The following CFAP299 variants were observed in gnomAD, a reference collection of about 807,000 sequenced individuals.
The protein encoded by CFAP299 is cilia- and flagella-associated protein 299.
A neutral mutation model predicts 27.0 loss-of-function variants in CFAP299; 21 were observed. That is an observed-to-expected ratio of 0.78 (90% CI 0.55 to 1.12). CFAP299 has a LOEUF of 1.12. Among genes scored for constraint, CFAP299 ranks in the 50% most tolerant of loss-of-function variants. The pLI is 0.00. For synonymous variants in CFAP299, 104 were observed against 98.1 expected, an observed-to-expected ratio of 1.06 and a Z score of -0.36; for missense variants, 310 against 276.6, an observed-to-expected ratio of 1.12 and a Z score of -0.86.
chr4:80,789,449 T>C (rs776411647), intron 3 of CFAP299, among the ~76,000 whole-genome samples: 5 of 152,042 alleles, frequency 3.3e-5, no homozygotes, highest in African/African-American at 4.8e-5. Flanking sequence ...GCCTCATGAA[T>C]TTGGGCAAAA....
chr4:80,327,069 C>A, the CFAP299 span, among the ~76,000 whole-genome samples: 3 of 152,028 alleles, frequency 2.0e-5, no homozygotes, highest in Non-Finnish European at 1.5e-5. Flanking sequence ...TGCATTCCAA[C>A]AAATGAACTT....
intron 4 of CFAP299, among the ~76,000 whole-genome samples, chr4:80,928,658 T>A (rs776404175): frequency 6.6e-6 from 1 of 152,056 alleles, no homozygotes; most frequent in African/African-American, 2.4e-5. Context: ...AGCCAAATAA[T>A]GTTTGTTTTT....
chr4:80,590,282 T>C (rs923014343), intron 3 of CFAP299, among the ~76,000 whole-genome samples: 2 of 152,162 alleles, frequency 1.3e-5, no homozygotes, highest in Non-Finnish European at 2.9e-5. Context: ...ACTAACTGTA[T>C]TTAATAGAAA....
chr4:80,417,304 A>G (rs552151767), intron 2 of CFAP299, among the ~76,000 whole-genome samples: 1 of 152,174 alleles, frequency 6.6e-6, no homozygotes, highest in Admixed American at 6.5e-5. Context: ...CTTTACCACA[A>G]CCTGTTTTAT....
intron 3 of CFAP299, among the ~76,000 whole-genome samples, chr4:80,593,547 G>T (rs1369232828): frequency 1.3e-5 from 2 of 152,070 alleles, no homozygotes; most frequent in African/African-American, 4.8e-5. Context: ...TCATTTTAGT[G>T]TCTGTGGGAT....
chr4:80,497,584 G>A (rs1175408573), intron 2 of CFAP299, among the ~76,000 whole-genome samples: 1 of 151,760 alleles, frequency 6.6e-6, no homozygotes, highest in Non-Finnish European at 1.5e-5. Flanking sequence ...GTTACCATTT[G>A]GGTATTTTCA....
chr4:80,923,709 T>C (rs1439105314), intron 4 of CFAP299, among the ~76,000 whole-genome samples: 2 of 152,052 alleles, frequency 1.3e-5, no homozygotes, highest in African/African-American at 4.8e-5. Flanking sequence ...TGTTGCCCTC[T>C]AGGGCTCTTT....
rs186809981 is a variant in CFAP299 at position 80,547,712 on chromosome 4, T to A, written c.243-35381T>A. ...CCAATAACCCCATCAAAAAATGGGC[T>A]AAGGACATGAACAGACATATCTCAA... On this transcript the variant is annotated intron_variant, in intron 2 of 5. Transcript: ENST00000358105. Among the ~76,000 whole-genome samples the A allele has an allele frequency of 5.1e-3, 770 of 151,942 alleles. 5 individuals are homozygous for A. The highest frequency in any genetic ancestry group is 0.017 in the Middle Eastern group (5 of 294).
intron 3 of CFAP299, among the ~76,000 whole-genome samples, chr4:80,634,262 G>A (rs1036414479): frequency 7.2e-5 from 11 of 152,102 alleles, no homozygotes; most frequent in Non-Finnish European, 1.5e-4. Flanking sequence ...GATTACTGTT[G>A]TGAGCCACCG....
intron 3 of CFAP299, among the ~76,000 whole-genome samples, chr4:80,689,634 C>A (rs571391062): frequency 2.0e-5 from 3 of 152,242 alleles, no homozygotes; most frequent in Non-Finnish European, 4.4e-5. Flanking sequence ...ACTGCATCAA[C>A]TAACGAGCAA....
At chr4:80,372,213 T>G (rs920926238) in intron 2 of CFAP299, among the ~76,000 whole-genome samples, 1 of 152,134 alleles carries the variant, frequency 6.6e-6, no homozygotes, top group East Asian at 1.9e-4. Flanking sequence ...GTGCCACACA[T>G]TTTTAAGCAA....
chr4:80,332,670 G>A (rs1721983145), upstream of CFAP299, among the ~76,000 whole-genome samples: 2 of 152,066 alleles, frequency 1.3e-5, no homozygotes, highest in Non-Finnish European at 2.9e-5. Flanking sequence ...TAAGGAGAGA[G>A]GAGAAAGTGG....
chr4:80,391,187 G>A (rs2110036562), intron 2 of CFAP299, among the ~76,000 whole-genome samples: 1 of 152,152 alleles, frequency 6.6e-6, no homozygotes, highest in East Asian at 1.9e-4. Context: ...GTGAATATGG[G>A]AGTGCAGATA....
chr4:80,680,708 T>G (rs1275957223), intron 3 of CFAP299, among the ~76,000 whole-genome samples: 6 of 152,166 alleles, frequency 3.9e-5, no homozygotes, highest in African/African-American at 1.4e-4. Context: ...AGAAAGAATT[T>G]TCTAAATTCC....
chr4:80,952,421 A>G (rs1737828661), intron 5 of CFAP299, among the ~76,000 whole-genome samples: 1 of 152,184 alleles, frequency 6.6e-6, no homozygotes, highest in Non-Finnish European at 1.5e-5. Context: ...CTGCCTAGGT[A>G]GGTGGATAAA....
At chr4:80,422,539 T>G (rs1727337515) in intron 2 of CFAP299, among the ~76,000 whole-genome samples, 1 of 152,212 alleles carries the variant, frequency 6.6e-6, no homozygotes, top group Non-Finnish European at 1.5e-5. Flanking sequence ...GTTCTTTCTT[T>G]TTTACATGGA....
intron 2 of CFAP299, among the ~76,000 whole-genome samples, chr4:80,410,879 T>C (rs1726686307): frequency 6.6e-6 from 1 of 152,166 alleles, no homozygotes. Flanking sequence ...AAGTTGTACA[T>C]ATTTAGAAAC....
chr4:80,932,488 T>C (rs1356949384), intron 4 of CFAP299, among the ~76,000 whole-genome samples: 2 of 152,154 alleles, frequency 1.3e-5, no homozygotes, highest in Non-Finnish European at 2.9e-5. Context: ...TATTACAGAA[T>C]GTATTATTAC....
chr4:80,922,071 C>T (rs937211655), intron 4 of CFAP299, among the ~76,000 whole-genome samples: 5 of 151,850 alleles, frequency 3.3e-5, no homozygotes, highest in South Asian at 4.2e-4. Context: ...TAGATGTATA[C>T]GTCTGAATCT....
Sources: allele counts gnomAD v4.1 joint callset (sites outside exome capture counted in the v4.1 genomes callset), GRCh38; gene constraint gnomAD v4.1.1; transcripts MANE v1.5; gene names NCBI Gene and HGNC (gene_info 2026-07-23, HGNC 2026-07-21).